The following NXPE4 variants were observed in gnomAD, a reference collection of about 807,000 sequenced individuals.
NXPE4 encodes the protein NXPE family member 4.
In NXPE4, 42 loss-of-function variants were observed where a neutral mutation model predicts 33.3. That is an observed-to-expected ratio of 1.26 (90% CI 0.98 to 1.63). The LOEUF is 1.63. Among genes scored for constraint, NXPE4 ranks in the 40% most tolerant of loss-of-function variants. The pLI, the probability that NXPE4 is intolerant of heterozygous loss-of-function variation, is 0.00. For synonymous variants in NXPE4, 253 were observed against 234.9 expected (o/e 1.08, Z -0.71); for missense variants, 709 against 647.6 (o/e 1.09, Z -1.03).
At chr11:114,631,829 C>T in the NXPE4 span, among the ~76,000 whole-genome samples, 5 of 150,746 alleles carry the variant, frequency 3.3e-5, no homozygotes, top group South Asian at 2.1e-4. Flanking sequence ...CATGGGTAAC[C>T]GATGTTACCC....
chr11:114,611,466 C>T, the NXPE4 span, among the ~76,000 whole-genome samples: 1 of 151,896 alleles, frequency 6.6e-6, no homozygotes, highest in Middle Eastern at 3.4e-3. Context: ...AGTATTGCCT[C>T]GTGGGTAACC....
At chr11:114,661,016 G>A in the NXPE4 span, among the ~76,000 whole-genome samples, 1 of 152,054 alleles carries the variant, frequency 6.6e-6, no homozygotes, top group Non-Finnish European at 1.5e-5. Context: ...ATTAAGAATG[G>A]CACGGAAAAC....
At chr11:114,663,637 C>CTATCATCT in the NXPE4 span, among the ~76,000 whole-genome samples, 27,329 of 138,212 alleles carry the variant, frequency 0.2, 2,784 homozygotes, top group East Asian at 0.26. Flanking sequence ...ATCTATCTAT[C>CTATCATCT]ATCTATCCAT....
In NXPE4 at chr11:114,582,980, C is replaced by A; in HGVS notation, c.138G>T (p.Trp46Cys). 6.2e-7 allele frequency: 1 copy of A among 1,613,666 alleles called. No individual in the cohort carries two copies. Residue 46 changes from tryptophan to cysteine, a missense_variant, in exon 3 of 6, where the codon TGG becomes TGT. Physicochemically the swap from Trp to Cys is radical, Grantham distance 215. Transcript: ENST00000375478. Reference protein sequence around the residue: ...ALNLSISLHYWNNSTKSLFPK... With the variant: ...ALNLSISLHYCNNSTKSLFPK... ...GGAATAAGGACTTTGTGGAGTTGTT[C>A]CAGTAATGGAGGGAGATGGATAAGT...
chr11:114,646,705 A>T, the NXPE4 span, among the ~76,000 whole-genome samples: 1 of 152,260 alleles, frequency 6.6e-6, no homozygotes, highest in East Asian at 1.9e-4. Flanking sequence ...TTGAGGACAC[A>T]ACCTGCCAAG....
At chr11:114,622,146 G>C in the NXPE4 span, among the ~76,000 whole-genome samples, 7 of 151,986 alleles carry the variant, frequency 4.6e-5, no homozygotes, top group Non-Finnish European at 7.4e-5. Flanking sequence ...TGCCTCATGG[G>C]TAGCCACTGT....
At chr11:114,621,096 C>T in the NXPE4 span, among the ~76,000 whole-genome samples, 1 of 152,082 alleles carries the variant, frequency 6.6e-6, no homozygotes, top group Non-Finnish European at 1.5e-5. Flanking sequence ...AGTATTGGCA[C>T]ATGGGAAACC....
At chr11:114,590,782 G>T (rs1410269936) in intron 2 of NXPE4, among the ~76,000 whole-genome samples, 2 of 152,208 alleles carry the variant, frequency 1.3e-5, no homozygotes, top group Non-Finnish European at 2.9e-5. Context: ...GGCCCTACTG[G>T]TACTGGAGGT....
chr11:114,639,890 T>C, the NXPE4 span, among the ~76,000 whole-genome samples: 1 of 118,110 alleles, frequency 8.5e-6, no homozygotes, highest in East Asian at 2.3e-4. Flanking sequence ...AAATATGTTA[T>C]ATATTATATT....
chr11:114,612,932 G>A, the NXPE4 span, among the ~76,000 whole-genome samples: 16 of 151,472 alleles, frequency 1.1e-4, no homozygotes, highest in African/African-American at 2.2e-4. Context: ...TTGTTGCATC[G>A]CATGTATCCA....
chr11:114,644,824 T>TA, the NXPE4 span, among the ~76,000 whole-genome samples: 1 of 150,890 alleles, frequency 6.6e-6, no homozygotes, highest in African/African-American at 2.4e-5. Flanking sequence ...AGATATCAAT[T>TA]TAAAAAAAAA....
At position 114,571,377 on chromosome 11, in the gene NXPE4, C is replaced by G. The variant is rs1190694931; in HGVS notation, c.1196G>C (p.Cys399Ser). 5 of 1,613,938 alleles carry G rather than the reference C, an allele frequency of 3.1e-6. No individual in the cohort carries two copies. The highest frequency in any genetic ancestry group is 1.7e-5 in the Admixed American group (1 of 60,000). The change falls in exon 6 of 6, where the codon TGT becomes TCT. Residue 399 changes from cysteine to serine, a missense_variant. Coordinates refer to ENST00000375478, the MANE Select transcript of NXPE4 (RefSeq NM_001077639.2). Reference sequence around the variant, plus strand: ...GGTCATTGATCCTATCAAGGGATAACAATATTTTTGCCACTGGATGTTGAT... The same window carrying G: ...GGTCATTGATCCTATCAAGGGATAAGAATATTTTTGCCACTGGATGTTGAT... ...RNINIQWQKY[C>S]YPLIGSMTYS...
the NXPE4 span, among the ~76,000 whole-genome samples, chr11:114,613,916 A>T: frequency 6.6e-6 from 1 of 151,988 alleles, no homozygotes; most frequent in African/African-American, 2.4e-5. Context: ...AACCACTGTT[A>T]CCCAGTGGAT....
chr11:114,605,528 G>T, the NXPE4 span, among the ~76,000 whole-genome samples: 20 of 151,420 alleles, frequency 1.3e-4, no homozygotes, highest in African/African-American at 4.9e-4. Flanking sequence ...ACAGTTACCC[G>T]GTGGATAATG....
At chr11:114,619,793 C>T in the NXPE4 span, among the ~76,000 whole-genome samples, 34 of 152,114 alleles carry the variant, frequency 2.2e-4, no homozygotes, top group Non-Finnish European at 7.4e-5. Flanking sequence ...AGTAATGCCT[C>T]GTGAGTAACC....
At chr11:114,646,412 G>A in the NXPE4 span, among the ~76,000 whole-genome samples, 1 of 151,660 alleles carries the variant, frequency 6.6e-6, no homozygotes, top group African/African-American at 2.4e-5. Context: ...GTATTTCAGT[G>A]AATTATATTT....
At chr11:114,603,633 T>A in the NXPE4 span, among the ~76,000 whole-genome samples, 1 of 151,452 alleles carries the variant, frequency 6.6e-6, no homozygotes. Context: ...CCTAGGTAAC[T>A]CCTATTACCT....
intron 5 of NXPE4, among the ~76,000 whole-genome samples, chr11:114,574,697 A>G (rs1948959752): frequency 6.6e-6 from 1 of 152,060 alleles, no homozygotes; most frequent in African/African-American, 2.4e-5. Context: ...GATTGAAATG[A>G]TAGTTAAAAA....
chr11:114,636,921 GA>G, the NXPE4 span, among the ~76,000 whole-genome samples: 1 of 152,070 alleles, frequency 6.6e-6, no homozygotes, highest in Non-Finnish European at 1.5e-5. Context: ...GTGTGTTGCT[GA>G]AAAAAATGTA....
Sources: gnomAD v4.1 joint callset for allele counts (sites outside exome capture counted in the v4.1 genomes callset) on GRCh38, gnomAD v4.1.1 for gene constraint, MANE v1.5 for transcripts, NCBI Gene and HGNC (gene_info 2026-07-23, HGNC 2026-07-21) for gene names.